The following XNDC1N variants were observed in gnomAD, a reference collection of about 807,000 sequenced individuals.
XNDC1N encodes protein XNDC1N.
chr11:71,918,912 C>A, the XNDC1N span: 1 of 702,902 alleles, frequency 1.4e-6, no homozygotes, highest in Non-Finnish European at 2.6e-6. Flanking sequence ...GTGGGCACTG[C>A]CCTCTCCAGC....
chr11:71,901,710 C>T, the XNDC1N span, among the ~76,000 whole-genome samples: 1 of 151,916 alleles, frequency 6.6e-6, no homozygotes, highest in Non-Finnish European at 1.5e-5. Context: ...TTTTGAATAC[C>T]ACACTTTCTA....
At chr11:71,918,967 G>A in the XNDC1N span, 32 of 702,980 alleles carry the variant, frequency 4.6e-5, no homozygotes, top group Middle Eastern at 2.3e-4. Flanking sequence ...GAGGGCAGCC[G>A]AGCCAAGGTC....
At chr11:71,886,601 T>C in the XNDC1N span, among the ~76,000 whole-genome samples, 1 of 152,288 alleles carries the variant, frequency 6.6e-6, no homozygotes, top group East Asian at 1.9e-4. Flanking sequence ...GGGAGGCCTA[T>C]CGTATGTATA....
the XNDC1N span, among the ~76,000 whole-genome samples, chr11:71,876,006 C>T: frequency 1.3e-5 from 2 of 152,002 alleles, no homozygotes; most frequent in Non-Finnish European, 2.9e-5. Flanking sequence ...GCCTGGGTGA[C>T]AGAGTAAGAC....
At chr11:71,918,252 T>G in the XNDC1N span, among the ~76,000 whole-genome samples, 2 of 152,192 alleles carry the variant, frequency 1.3e-5, no homozygotes, top group African/African-American at 4.8e-5. Context: ...ACACAGATAT[T>G]TACAGGTGTA....
chr11:71,899,274 C>T, the XNDC1N span, among the ~76,000 whole-genome samples: 26 of 152,210 alleles, frequency 1.7e-4, no homozygotes, highest in African/African-American at 5.3e-4. Context: ...GCCTTGAAGA[C>T]GGAGTCTGAG....
the XNDC1N span, among the ~76,000 whole-genome samples, chr11:71,867,230 A>C: frequency 2.0e-5 from 3 of 152,238 alleles, no homozygotes; most frequent in Non-Finnish European, 4.4e-5. Context: ...AAGAAATCAA[A>C]GAACAAATGA....
At chr11:71,928,485 T>G in the XNDC1N span, 2 of 702,564 alleles carry the variant, frequency 2.8e-6, no homozygotes, top group South Asian at 1.5e-5. Flanking sequence ...TCTTCCGTCT[T>G]CCGTAGCACA....
the XNDC1N span, chr11:71,878,480 G>T: frequency 6.2e-7 from 1 of 1,611,442 alleles, no homozygotes; most frequent in Non-Finnish European, 8.5e-7. Flanking sequence ...TGTCTTTGGA[G>T]TCCTTTCCTT....
the XNDC1N span, among the ~76,000 whole-genome samples, chr11:71,898,837 T>C: frequency 1.3e-5 from 2 of 152,270 alleles, no homozygotes; most frequent in South Asian, 4.1e-4. Flanking sequence ...CATGAAACTG[T>C]AAACTGAAAA....
chr11:71,869,267 G>T, the XNDC1N span, among the ~76,000 whole-genome samples: 1 of 151,482 alleles, frequency 6.6e-6, no homozygotes, highest in African/African-American at 2.4e-5. Flanking sequence ...TGATCTCATT[G>T]TTCAATTCCC....
At chr11:71,882,962 A>C in the XNDC1N span, among the ~76,000 whole-genome samples, 4 of 152,232 alleles carry the variant, frequency 2.6e-5, no homozygotes, top group African/African-American at 4.8e-5. Context: ...AACAGCAAGC[A>C]ACTGGAAAGC....
At chr11:71,909,444 C>T in the XNDC1N span, among the ~76,000 whole-genome samples, 1 of 152,186 alleles carries the variant, frequency 6.6e-6, no homozygotes, top group South Asian at 2.1e-4. Flanking sequence ...AGAACAAATG[C>T]CCTCAGCTCA....
the XNDC1N span, among the ~76,000 whole-genome samples, chr11:71,887,293 G>A: frequency 4.6e-3 from 624 of 136,574 alleles, no homozygotes; most frequent in South Asian, 7.4e-3. Context: ...TACTGTAGGA[G>A]GATATAAAGT....
At chr11:71,928,442 T>G in the XNDC1N span, 2 of 702,306 alleles carry the variant, frequency 2.8e-6, no homozygotes, top group African/African-American at 3.5e-5. Flanking sequence ...CAATTCGGCC[T>G]TCTGACCTTC....
chr11:71,866,221 A>T, the XNDC1N span, among the ~76,000 whole-genome samples: 1 of 151,148 alleles, frequency 6.6e-6, no homozygotes, highest in Non-Finnish European at 1.5e-5. Flanking sequence ...TTTTAGGGCA[A>T]TGTTGCTCTG....
At chr11:71,868,052 T>C in the XNDC1N span, among the ~76,000 whole-genome samples, 58 of 152,354 alleles carry the variant, frequency 3.8e-4, no homozygotes, top group Middle Eastern at 0.014. Flanking sequence ...CCCTTCTTTG[T>C]CTATTTCTAT....
the XNDC1N span, chr11:71,917,335 A>C: frequency 1.6e-6 from 1 of 629,878 alleles, no homozygotes; most frequent in Non-Finnish European, 2.9e-6. Flanking sequence ...TTAATCAATA[A>C]GTGTGTGTGT....
chr11:71,890,628 A>T, the XNDC1N span, among the ~76,000 whole-genome samples: 1 of 148,486 alleles, frequency 6.7e-6, no homozygotes, highest in East Asian at 2.0e-4. Context: ...AATATTGGCA[A>T]TAATATGATT....
Sources: allele counts gnomAD v4.1 joint callset (sites outside exome capture counted in the v4.1 genomes callset), GRCh38; gene constraint gnomAD v4.1.1; transcripts MANE v1.5; gene names NCBI Gene and HGNC (gene_info 2026-07-23, HGNC 2026-07-21).